SMG6: variants seen among roughly 807,000 people sequenced by gnomAD.
The protein encoded by SMG6 is telomerase-binding protein EST1A.
Under a neutral mutation model 142.2 loss-of-function variants are expected in SMG6, and 66 were observed. That is an observed-to-expected ratio of 0.46 (90% CI 0.38 to 0.57). The LOEUF is 0.57. Ranked by LOEUF, SMG6 falls within the 20% of genes least tolerant of loss-of-function variation. The pLI is 0.00. For missense variants in SMG6, 1,793 were observed against 1,832.0 expected (o/e 0.98, Z 0.39); for synonymous variants, 779 against 702.4 (o/e 1.11, Z -1.72).
intron 10 of SMG6, among the ~76,000 whole-genome samples, chr17:2,214,692 C>T (rs1313754925): frequency 6.6e-6 from 1 of 152,182 alleles, no homozygotes; most frequent in Non-Finnish European, 1.5e-5. Flanking sequence ...TCTTAATTGT[C>T]CATGCAAAAT....
chr17:2,129,348 C>T (rs545767516), intron 13 of SMG6, among the ~76,000 whole-genome samples: 43 of 151,794 alleles, frequency 2.8e-4, no homozygotes, highest in African/African-American at 9.4e-4. Flanking sequence ...TGTGTAACCC[C>T]ATATAAACAG....
chr17:2,081,988 G>A (rs764267762), intron 14 of SMG6, 32 bp from the exon 15 acceptor site: 2 of 1,612,904 alleles, frequency 1.2e-6, no homozygotes, highest in Non-Finnish European at 1.7e-6. Context: ...AGGACAAAGA[G>A]GAGACAGTTA....
intron 8 of SMG6, among the ~76,000 whole-genome samples, chr17:2,249,286 C>T (rs996197817): frequency 2.6e-5 from 4 of 151,652 alleles, no homozygotes; most frequent in Non-Finnish European, 5.9e-5. Flanking sequence ...CCATTTCTAC[C>T]ACTTTTCAAT....
intron 10 of SMG6, among the ~76,000 whole-genome samples, chr17:2,217,843 T>A (rs2151760496): frequency 6.6e-6 from 1 of 151,738 alleles, no homozygotes; most frequent in South Asian, 2.1e-4. Flanking sequence ...ACCCCGTCTC[T>A]ACTAAAAATA....
chr17:2,091,469 A>T (rs370065028), intron 13 of SMG6, among the ~76,000 whole-genome samples: 1 of 152,170 alleles, frequency 6.6e-6, no homozygotes, highest in Non-Finnish European at 1.5e-5. Context: ...AGGGAAAGAA[A>T]GAACCTGTGC....
chr17:2,230,579 T>C (rs1367975631), intron 10 of SMG6, among the ~76,000 whole-genome samples: 4 of 152,252 alleles, frequency 2.6e-5, no homozygotes, highest in East Asian at 3.9e-4. Flanking sequence ...CCAGCCTAAA[T>C]ACATTCTGAA....
At chr17:2,086,060 T>C (rs1037647762) in intron 13 of SMG6, among the ~76,000 whole-genome samples, 159 bp from the exon 14 acceptor site, 1 of 152,082 alleles carries the variant, frequency 6.6e-6, no homozygotes, top group Non-Finnish European at 1.5e-5. Context: ...CAAGGGCATG[T>C]CAGGTGGTAA....
chr17:2,172,317 G>T (rs1371299378), intron 13 of SMG6, among the ~76,000 whole-genome samples: 1 of 151,980 alleles, frequency 6.6e-6, no homozygotes, highest in Non-Finnish European at 1.5e-5. Flanking sequence ...GGGGGGCGGG[G>T]AGGAAGGGGG....
chr17:2,171,001 A>G (rs1052108804), intron 13 of SMG6, among the ~76,000 whole-genome samples: 1 of 152,196 alleles, frequency 6.6e-6, no homozygotes, highest in African/African-American at 2.4e-5. Flanking sequence ...ACAGCTGGGC[A>G]TGTTAGCGCA....
intron 13 of SMG6, among the ~76,000 whole-genome samples, chr17:2,116,364 C>T (rs955191564): frequency 6.6e-6 from 1 of 152,114 alleles, no homozygotes; most frequent in African/African-American, 2.4e-5. Context: ...CAGGCATGAG[C>T]CACTGTACCT....
chr17:2,141,657 G>C (rs2070484329), intron 13 of SMG6, among the ~76,000 whole-genome samples: 1 of 152,054 alleles, frequency 6.6e-6, no homozygotes, highest in Admixed American at 6.6e-5. Context: ...TTGCATGGCT[G>C]GTCTTGAACT....
At chr17:2,206,077 G>A (rs866920394) in intron 10 of SMG6, among the ~76,000 whole-genome samples, 11 of 152,210 alleles carry the variant, frequency 7.2e-5, no homozygotes, top group African/African-American at 2.4e-4. Flanking sequence ...CCAAAGTGCT[G>A]GGATCATAGG....
Position 2,087,355 on chromosome 17 carries a change from C to T in SMG6, c.3358-1454G>A, listed in dbSNP as rs552682867. 2.0e-5 allele frequency: 24 copies of T among 1,201,400 alleles called. No individual in the cohort carries two copies. In the South Asian group the frequency reaches 2.2e-4, roughly 11 times the overall value. The allele number at this position is 1,201,400 out of a possible 1,614,324, so 74.4% of individuals were successfully genotyped here. On this transcript the variant is annotated intron_variant, in intron 13 of 18. Transcript: ENST00000263073. ...TGCAGGCTGGCTGCCCAGGAAAGTG[C>T]GGCACACACCGGTCAACTGTGTGCT...
At chr17:2,102,196 A>G (rs1363579289) in intron 13 of SMG6, among the ~76,000 whole-genome samples, 2 of 152,326 alleles carry the variant, frequency 1.3e-5, no homozygotes, top group Middle Eastern at 3.4e-3. Context: ...ACAAAATTTT[A>G]TTATAAATTG....
At chr17:2,172,306 AG>A (rs1023353164) in intron 13 of SMG6, among the ~76,000 whole-genome samples, 2 of 139,830 alleles carry the variant, frequency 1.4e-5, no homozygotes, top group African/African-American at 2.6e-5. Context: ...TTTGTGGCGG[AG>A]GGGGGCGGGG....
chr17:2,158,873 A>C (rs2151619532), intron 13 of SMG6, among the ~76,000 whole-genome samples: 1 of 151,250 alleles, frequency 6.6e-6, no homozygotes, highest in East Asian at 1.9e-4. Flanking sequence ...AAAAAAAAAA[A>C]AAAAGTTTGC....
intron 10 of SMG6, among the ~76,000 whole-genome samples, chr17:2,222,933 A>G (rs899911105): frequency 6.6e-6 from 1 of 152,212 alleles, no homozygotes; most frequent in Non-Finnish European, 1.5e-5. Flanking sequence ...CATTGCCCTG[A>G]CATGAGTTCT....
Position 2,298,933 on chromosome 17 carries a change from T to C in SMG6, c.1820A>G (p.Glu607Gly). ...GAGTTGCGCCATCTTCTCCAGGCCC[T>C]CCGGACTGATGCGGTCCCTGGAGAG... ...NLLSRDRISP[E>G]GLEKMAQLRA... Residue 607 changes from glutamate to glycine, a missense_variant, in exon 2 of 19, where the codon GAG (glutamate) becomes GGG (glycine). Transcript: ENST00000263073. 1 of 1,613,930 alleles carries C rather than the reference T, an allele frequency of 6.2e-7. No individual in the cohort carries two copies. Among genetic ancestry groups the C allele is most frequent in the Non-Finnish European group, 8.5e-7 (1 of 1,179,960 alleles).
chr17:2,242,485 G>A (rs1389724447), intron 9 of SMG6, among the ~76,000 whole-genome samples: 3 of 150,488 alleles, frequency 2.0e-5, no homozygotes, highest in South Asian at 2.1e-4. Flanking sequence ...AGCGGAGATC[G>A]CGCCACTGCA....
Sources: allele counts gnomAD v4.1 joint callset (sites outside exome capture counted in the v4.1 genomes callset), GRCh38; gene constraint gnomAD v4.1.1; transcripts MANE v1.5; gene names NCBI Gene and HGNC (gene_info 2026-07-23, HGNC 2026-07-21).